NINL: variants seen among roughly 807,000 people sequenced by gnomAD.
NINL encodes the protein ninein like.
A neutral mutation model predicts 160.3 loss-of-function variants in NINL; 153 were observed. The observed-to-expected ratio is 0.95, with a 90% CI of 0.84 to 1.09. NINL has a LOEUF of 1.09. NINL is among the 50% of genes least tolerant of loss of function. The pLI, the probability that NINL is intolerant of heterozygous loss-of-function variation, is 0.00. For missense variants in NINL, 1,829 were observed against 1,764.0 expected (o/e 1.04, Z -0.66); for synonymous variants, 800 against 734.8 (o/e 1.09, Z -1.43).
At chr20:25,459,551 C>T (rs397119) in intron 21 of NINL, among the ~76,000 whole-genome samples, 54 of 152,098 alleles carry the variant, frequency 3.6e-4, no homozygotes, top group Non-Finnish European at 6.3e-4. Context: ...CGTCTCAAGA[C>T]GGTCACTCTG....
intron 1 of NINL, among the ~76,000 whole-genome samples, chr20:25,536,176 C>T (rs542479556): frequency 1.1e-4 from 17 of 152,270 alleles, no homozygotes; most frequent in African/African-American, 2.9e-4. Context: ...ATATAACCCA[C>T]GCTGAATACA....
chr20:25,489,011 A>G (rs925361311), intron 13 of NINL: 1 of 540,310 alleles, frequency 1.9e-6, no homozygotes, highest in Non-Finnish European at 3.3e-6. Flanking sequence ...CATGAACAAC[A>G]GAAGACAACA....
Position 25,544,193 on chromosome 20 carries a change from C to T in NINL, c.-11-17595G>A, listed in dbSNP as rs1437729012. On this transcript the variant is annotated intron_variant, in intron 1 of 23. Transcript: ENST00000278886. ...TCTGTTCACTGCCCACAATTTGACG[C>T]GTGGAATCTGGACGGGAAAACAGTG... Among the ~76,000 whole-genome samples the T allele has an allele frequency of 3.4e-5, 5 of 148,828 alleles. No individual in the cohort carries two copies. The East Asian group carries it at 9.8e-4, about 29-fold the overall frequency.
intron 13 of NINL, 57 bp from the exon 14 acceptor site, chr20:25,482,157 G>A (rs1203594998): frequency 6.4e-7 from 1 of 1,551,174 alleles, no homozygotes; most frequent in Non-Finnish European, 8.7e-7. Flanking sequence ...AGCCCAGCGA[G>A]CTGGCCGAGC....
chr20:25,540,114 T>C, intron 1 of NINL: 2 of 1,148,598 alleles, frequency 1.7e-6, no homozygotes, highest in Non-Finnish European at 2.3e-6. Context: ...AATGTTTGCA[T>C]GTCAAAATCA....
intron 20 of NINL, 137 bp downstream of exon 20, chr20:25,462,246 T>C (rs2062807190): frequency 1.4e-6 from 1 of 739,950 alleles, no homozygotes; most frequent in African/African-American, 1.8e-5. Context: ...ACAGTCCACC[T>C]ACTTCTCCAA....
At chr20:25,567,544 T>C (rs116300892) in intron 1 of NINL, among the ~76,000 whole-genome samples, 3 of 152,046 alleles carry the variant, frequency 2.0e-5, no homozygotes, top group Non-Finnish European at 4.4e-5. Flanking sequence ...ACCTATCATA[T>C]TCAAACTGCA....
intron 1 of NINL, among the ~76,000 whole-genome samples, chr20:25,538,146 G>T (rs767030670): frequency 2.1e-4 from 32 of 152,184 alleles, no homozygotes; most frequent in Non-Finnish European, 8.8e-5. Flanking sequence ...GTGTCACCGA[G>T]TGAAGGGCAG....
intron 1 of NINL, among the ~76,000 whole-genome samples, chr20:25,578,142 A>C (rs2065137282): frequency 7.0e-6 from 1 of 142,898 alleles, no homozygotes; most frequent in African/African-American, 2.6e-5. Flanking sequence ...ACGGAATCTC[A>C]CTCTGGCGCC....
chr20:25,503,212 G>T (rs1434875386), intron 7 of NINL, among the ~76,000 whole-genome samples: 1 of 150,900 alleles, frequency 6.6e-6, no homozygotes, highest in Non-Finnish European at 1.5e-5. Context: ...CAGCAGGTGG[G>T]CACCTGAGCA....
intron 10 of NINL, among the ~76,000 whole-genome samples, chr20:25,496,262 G>A (rs1009962519): frequency 2.6e-5 from 4 of 152,232 alleles, no homozygotes; most frequent in Non-Finnish European, 4.4e-5. Context: ...CCTGGAGTTG[G>A]GTTCCTTCTC....
At chr20:25,490,106 G>T in intron 11 of NINL, 121 bp from the exon 12 acceptor site, 1 of 862,716 alleles carries the variant, frequency 1.2e-6, no homozygotes, top group Non-Finnish European at 1.9e-6. Flanking sequence ...CCCACCCACC[G>T]CAGGCGAGGC....
chr20:25,561,279 T>A (rs1600345133), intron 1 of NINL, among the ~76,000 whole-genome samples: 1 of 152,158 alleles, frequency 6.6e-6, no homozygotes, highest in Non-Finnish European at 1.5e-5. Flanking sequence ...GCGCGAGTGA[T>A]CCGCCAGCCT....
rs141110673 is a variant in NINL, at chr20:25,512,545, G to A, written c.450+289C>T. ...TTCCCCTTTGCCTTCCGCCACGATT[G>A]TGAGTTTCCTGAGGCATCCCCAGCC... On this transcript the variant is annotated intron_variant, in intron 4 of 23. Coordinates refer to ENST00000278886, the MANE Select transcript of NINL (RefSeq NM_025176.6). Among the ~76,000 whole-genome samples the A allele has an allele frequency of 7.4e-3, 1,124 of 152,256 alleles. 59 individuals are homozygous for A. Among genetic ancestry groups the A allele is most frequent in the Admixed American group, 0.067 (1,029 of 15,296 alleles).
intron 19 of NINL, among the ~76,000 whole-genome samples, chr20:25,464,556 T>G (rs1419289036): frequency 6.6e-6 from 1 of 151,878 alleles, no homozygotes; most frequent in African/African-American, 2.4e-5. Flanking sequence ...CCGACAACAC[T>G]CCCCCAATCT....
chr20:25,458,677 GC>G, intron 21 of NINL, 148 bp from the exon 22 acceptor site: 1 of 850,436 alleles, frequency 1.2e-6, no homozygotes, highest in Non-Finnish European at 1.8e-6. Flanking sequence ...TTTAGAAGGA[GC>G]CCATTTCTTT....
At chr20:25,528,626 T>A (rs2064398492) in intron 1 of NINL, among the ~76,000 whole-genome samples, 1 of 152,128 alleles carries the variant, frequency 6.6e-6, no homozygotes, top group African/African-American at 2.4e-5. Context: ...TTAGAACAAG[T>A]AGAACACTTT....
chr20:25,516,366 GAAAAGAAAGAAAAAGA>G (rs2064160063), intron 3 of NINL, among the ~76,000 whole-genome samples: 1 of 151,938 alleles, frequency 6.6e-6, no homozygotes, highest in African/African-American at 2.4e-5. Flanking sequence ...ATTCTAATTG[GAAAAGAAAGAAAAAGA>G]AAAAGAAAGA....
chr20:25,458,816 T>C (rs1411754392), intron 21 of NINL: 5 of 421,382 alleles, frequency 1.2e-5, no homozygotes, highest in South Asian at 8.8e-5. Context: ...CTGCGTCCAG[T>C]GTTAGCTTCC....
Sources: gnomAD v4.1 joint callset for allele counts (sites outside exome capture counted in the v4.1 genomes callset) on GRCh38, gnomAD v4.1.1 for gene constraint, MANE v1.5 for transcripts, NCBI Gene and HGNC (gene_info 2026-07-23, HGNC 2026-07-21) for gene names.